The following TSPAN3 variants were observed in gnomAD, a reference collection of about 807,000 sequenced individuals.
The protein encoded by TSPAN3 is tetraspanin 3, also known as tetraspanin-3.
A neutral mutation model predicts 31.1 loss-of-function variants in TSPAN3; 9 were observed. That is an observed-to-expected ratio of 0.29 (90% CI 0.17 to 0.50). The LOEUF (loss-of-function observed/expected upper bound fraction) is 0.50, where lower values mean the gene tolerates loss of function less well. Ranked by LOEUF, TSPAN3 falls within the 20% of genes least tolerant of loss-of-function variation. TSPAN3 has a pLI of 0.98. For missense variants in TSPAN3, 252 were observed against 313.5 expected (o/e 0.80, Z 1.48); for synonymous variants, 129 against 114.3 (o/e 1.13, Z -0.82).
At chr15:77,067,776 T>C (rs1365065147) in intron 1 of TSPAN3, 3 of 152,240 alleles carry the variant, frequency 2.0e-5, no homozygotes, top group East Asian at 1.9e-4. Flanking sequence ...CAAAGTGTCA[T>C]GTAAATTCTG....
intron 4 of TSPAN3, among the ~76,000 whole-genome samples, chr15:77,053,326 T>C (rs1220404272): frequency 6.6e-6 from 1 of 150,780 alleles, no homozygotes. Flanking sequence ...TGAAACCCCG[T>C]CTCTACTAAA....
rs961652765 is a variant in TSPAN3, at chr15:77,070,627, G to T, written c.63+265C>A. On this transcript the variant is annotated intron_variant, in intron 1 of 6. Coordinates refer to ENST00000267970, the MANE Select transcript of TSPAN3 (RefSeq NM_005724.6). ...GCCTGGCACGGAGCCAGCCCGCGTG[G>T]GCCGAGCGCGGAGGCGCCGGCTGGA... Among the ~76,000 whole-genome samples the T allele has an allele frequency of 4.6e-5, 7 of 152,136 alleles. 1 individual carries two copies. In the South Asian group the frequency reaches 1.4e-3, roughly 31 times the overall value.
chr15:77,046,841 A>G lies in TSPAN3; in HGVS notation c.756T>C (p.Tyr252=), dbSNP rs765455068. 65 of 1,589,268 alleles carry G rather than the reference A, an allele frequency of 4.1e-5. No homozygotes were observed. The highest frequency in any genetic ancestry group is 5.5e-5 in the Non-Finnish European group (64 of 1,164,936). The change falls in exon 7 of 7, where the codon TAT becomes TAC. Residue 252 remains tyrosine, a synonymous_variant. Transcript: ENST00000267970. Reference sequence around the variant, plus strand: ...CTCAGGCTTGAGTTGTCAACTATGCATAGGTTCCGCCAGTGATGAGGAGCT... The same window carrying G: ...CTCAGGCTTGAGTTGTCAACTATGCGTAGGTTCCGCCAGTGATGAGGAGCT... ...AYELLITGGT[Y]A is the part of the protein sequence containing the mutation.
chr15:77,047,881 G>A (rs561823378), intron 6 of TSPAN3, among the ~76,000 whole-genome samples: 7 of 152,176 alleles, frequency 4.6e-5, no homozygotes, highest in South Asian at 2.1e-4. Flanking sequence ...TCTAATTTCC[G>A]CAAAATGTAC....
rs544904047 is a variant in TSPAN3, at chr15:77,053,510, T to C, written c.433-581A>G. 1.3e-3 allele frequency among the ~76,000 whole-genome samples: 175 copies of C among 130,024 alleles called. 2 individuals carry two copies. The highest frequency in any genetic ancestry group is 0.011 in the South Asian group (45 of 4,072). 85.3% of individuals were successfully genotyped at this position (130,024 alleles called of 152,430 possible). On this transcript the variant is annotated intron_variant, in intron 4 of 6. Transcript: ENST00000267970. ...AAAAAAAAAAGAAAAGAAAAGTACA[T>C]TGCCTATAAGCGGTAGTTTCTAACT...
In TSPAN3 at chr15:77,056,054, C is replaced by A; in HGVS notation, c.255+10G>T. On this transcript the variant is annotated intron_variant, in intron 2 of 6. Coordinates refer to ENST00000267970, the MANE Select transcript of TSPAN3 (RefSeq NM_005724.6). Reference sequence around the variant, plus strand: ...TAAATACTCCTGCATGTTCTCACAACACATCTTACCGTGGCAAGTCCACAG... The same window carrying A: ...TAAATACTCCTGCATGTTCTCACAAAACATCTTACCGTGGCAAGTCCACAG... 1 of 1,596,768 alleles carries A rather than the reference C, an allele frequency of 6.3e-7. No individual in the cohort carries two copies. Among genetic ancestry groups the A allele is most frequent in the South Asian group, 1.1e-5 (1 of 87,914 alleles).
At chr15:77,057,794 C>T (rs2076776939) in intron 1 of TSPAN3, among the ~76,000 whole-genome samples, 1 of 152,134 alleles carries the variant, frequency 6.6e-6, no homozygotes, top group African/African-American at 2.4e-5. Flanking sequence ...GCTACAGCAG[C>T]TATGGCTTCA....
intron 3 of TSPAN3, chr15:77,055,545 A>G (rs888281607): frequency 8.7e-6 from 3 of 346,120 alleles, no homozygotes; most frequent in Non-Finnish European, 1.6e-5. Context: ...TCAGCTAATT[A>G]TTCATTTGCA....
At chr15:77,058,921 G>A (rs1289365357) in intron 1 of TSPAN3, among the ~76,000 whole-genome samples, 2 of 152,156 alleles carry the variant, frequency 1.3e-5, no homozygotes, top group Admixed American at 1.3e-4. Context: ...TCGTAAATAT[G>A]TCATAAATAT....
intron 5 of TSPAN3, 140 bp from the exon 6 acceptor site, chr15:77,052,608 TAC>T: frequency 9.1e-7 from 1 of 1,094,016 alleles, no homozygotes; most frequent in African/African-American, 1.6e-5. Context: ...TGGTATAATT[TAC>T]AGACATGTAA....
rs2076859401 is a variant in TSPAN3 at position 77,070,315 on chromosome 15, G to A, written c.63+577C>T. On this transcript the variant is annotated intron_variant, in intron 1 of 6. Transcript: ENST00000267970. ...CAAAACAAATAGACCGATGTTCTTG[G>A]TCAATGGATTATTTGGCTCCTCGAG... Among the ~76,000 whole-genome samples the A allele has an allele frequency of 2.0e-5, 3 of 152,180 alleles. No individual in the cohort carries two copies. In the South Asian group the frequency reaches 6.2e-4, roughly 32 times the overall value.
chr15:77,071,010 G>T lies in TSPAN3; in HGVS notation c.-56C>A. 1 of 1,282,012 alleles carries T rather than the reference G, an allele frequency of 7.8e-7. No individual in the cohort carries two copies. Among genetic ancestry groups the T allele is most frequent in the South Asian group, 1.8e-5 (1 of 55,320 alleles). 79.4% of individuals were successfully genotyped at this position (1,282,012 alleles called of 1,614,324 possible). A position where few individuals can be genotyped will look rare whatever the true frequency, so the allele number is the denominator to read the frequency against. ...GAGAGCGGGGCTGCGCTCACCGAGAGAGCGGCAATGGCGGCGGCGCCTCCT... is the reference window on the plus strand; with the variant it reads ...GAGAGCGGGGCTGCGCTCACCGAGATAGCGGCAATGGCGGCGGCGCCTCCT... On this transcript the variant is annotated 5_prime_UTR_variant, in exon 1 of 7. Coordinates refer to ENST00000267970, the MANE Select transcript of TSPAN3 (RefSeq NM_005724.6).
chr15:77,058,279 A>C (rs1330750060), intron 1 of TSPAN3, among the ~76,000 whole-genome samples: 1 of 152,200 alleles, frequency 6.6e-6, no homozygotes, highest in Admixed American at 6.5e-5. Context: ...CGATGAACCA[A>C]GCTATTCCTC....
In TSPAN3 at chr15:77,070,935, G is replaced by C; in HGVS notation, c.20C>G (p.Thr7Ser). The change falls in exon 1 of 7, where the codon ACC becomes AGC. Residue 7 changes from threonine (T) to serine (S), a missense_variant. Physicochemically the swap from Thr to Ser is moderately conservative, Grantham distance 58. Transcript: ENST00000267970. MGQCGI[T>S]SSKTVLVFLN... Reference sequence around the variant, plus strand: ...AAAGACCAGCACGGTCTTGGAGGAGGTGATGCCGCACTGGCCCATGGCGCC... The same window carrying C: ...AAAGACCAGCACGGTCTTGGAGGAGCTGATGCCGCACTGGCCCATGGCGCC... 6.9e-7 allele frequency: 1 copy of C among 1,446,548 alleles called. No homozygotes were observed. Among genetic ancestry groups the C allele is most frequent in the Non-Finnish European group, 9.2e-7 (1 of 1,092,224 alleles). 89.6% of individuals were successfully genotyped at this position (1,446,548 alleles called of 1,614,324 possible).
intron 3 of TSPAN3, 46 bp downstream of exon 3, chr15:77,055,741 CTT>C: frequency 6.8e-7 from 1 of 1,474,016 alleles, no homozygotes; most frequent in Non-Finnish European, 9.2e-7. Flanking sequence ...ACTTGAAACA[CTT>C]AAACCACCTT....
At chr15:77,063,309 A>G (rs1468941409) in intron 1 of TSPAN3, 1 of 152,140 alleles carries the variant, frequency 6.6e-6, no homozygotes, top group Non-Finnish European at 1.5e-5. Context: ...GTTTTTTTTA[A>G]AGTCCTACTT....
At position 77,041,975 on chromosome 15, in the gene TSPAN3, C is replaced by A. The variant is rs1056603360; in HGVS notation, c.*4860G>T. On this transcript the variant is annotated 3_prime_UTR_variant, in exon 7 of 7. Transcript: ENST00000267970. ...GAGTAGTGGAGGCACTGGAGGCAGCCTGCAGGCCTGCCCTTTATACACCTT... is the reference window on the plus strand; with the variant it reads ...GAGTAGTGGAGGCACTGGAGGCAGCATGCAGGCCTGCCCTTTATACACCTT... 2 of 152,206 alleles carry A rather than the reference C, an allele frequency of 1.3e-5. No homozygotes were observed. The highest frequency in any genetic ancestry group is 2.9e-5 in the Non-Finnish European group (2 of 68,048). The allele number at this position is 152,206 out of a possible 1,614,324, so 9.4% of individuals were successfully genotyped here.
chr15:77,056,908 A>G lies in TSPAN3; in HGVS notation c.64-653T>C, dbSNP rs118058893. On this transcript the variant is annotated intron_variant, in intron 1 of 6. Transcript: ENST00000267970. ...GAATAGGAATTGCCTGAGGATCTGA[A>G]TAACAAGCAGATTGATTCAGGAGGT... Among the ~76,000 whole-genome samples the G allele has an allele frequency of 2.1e-4, 32 of 152,352 alleles. No individual in the cohort carries two copies. In the East Asian group the frequency reaches 5.6e-3, roughly 27 times the overall value.
intron 6 of TSPAN3, among the ~76,000 whole-genome samples, chr15:77,051,448 A>G (rs1330596152): frequency 2.0e-5 from 3 of 151,870 alleles, no homozygotes; most frequent in Admixed American, 2.0e-4. Flanking sequence ...GAATCACTGG[A>G]ACCTGGGAGG....
Sources: gnomAD v4.1 joint callset for allele counts (sites outside exome capture counted in the v4.1 genomes callset) on GRCh38, gnomAD v4.1.1 for gene constraint, MANE v1.5 for transcripts, NCBI Gene and HGNC (gene_info 2026-07-23, HGNC 2026-07-21) for gene names.